The following PTPRT variants were observed in gnomAD, a reference collection of about 807,000 sequenced individuals.
PTPRT encodes receptor-type tyrosine-protein phosphatase T.
PTPRT carries 56 observed loss-of-function variants against 176.8 expected under a neutral mutation model. The observed-to-expected ratio is 0.32, with a 90% CI of 0.26 to 0.40. The LOEUF (loss-of-function observed/expected upper bound fraction) is 0.40. Ranked by LOEUF, PTPRT falls within the 10% of genes least tolerant of loss-of-function variation. The pLI is 1.00. For synonymous variants in PTPRT, 783 were observed against 739.0 expected (o/e 1.06, Z -0.96); for missense variants, 1,540 against 1,908.2 (o/e 0.81, Z 3.60).
Position 42,942,496 on chromosome 20 carries a change from T to C in PTPRT, c.89-56564A>G, listed in dbSNP as rs151161704. ...CTACACTTCACATTCATAGCCTTTA[T>C]TGTTTTTGTAATTGTCTAGATGTTT... On this transcript the variant is annotated intron_variant, in intron 1 of 30. Transcript: ENST00000373187. Among the ~76,000 whole-genome samples, 8 of 152,322 alleles carry C rather than the reference T, an allele frequency of 5.3e-5. No homozygotes were observed. In the East Asian group the frequency reaches 1.3e-3, roughly 26 times the overall value.
chr20:42,741,970 T>C (rs958717823), intron 6 of PTPRT, among the ~76,000 whole-genome samples: 1 of 152,176 alleles, frequency 6.6e-6, no homozygotes, highest in Non-Finnish European at 1.5e-5. Context: ...AAAAAGTTGG[T>C]TGGTCACTTA....
chr20:42,765,937 T>C (rs1360214208), intron 5 of PTPRT, among the ~76,000 whole-genome samples: 1 of 152,200 alleles, frequency 6.6e-6, no homozygotes, highest in Admixed American at 6.5e-5. Context: ...GATACATTTT[T>C]GTCCCCATCT....
At chr20:42,578,100 TTG>T (rs2073297142) in intron 7 of PTPRT, among the ~76,000 whole-genome samples, 1 of 152,200 alleles carries the variant, frequency 6.6e-6, no homozygotes, top group African/African-American at 2.4e-5. Flanking sequence ...GAATGGTTGA[TTG>T]TGTCAACTCT....
chr20:42,709,666 T>C (rs936112254), intron 6 of PTPRT, among the ~76,000 whole-genome samples: 1 of 152,180 alleles, frequency 6.6e-6, no homozygotes, highest in Admixed American at 6.5e-5. Context: ...GGAGTGTTGC[T>C]ATAAAAGTAC....
At chr20:43,077,810 T>G (rs1026523964) in intron 1 of PTPRT, among the ~76,000 whole-genome samples, 8 of 152,158 alleles carry the variant, frequency 5.3e-5, no homozygotes, top group Non-Finnish European at 1.2e-4. Flanking sequence ...TGTGGAACAA[T>G]CTATGAAAAT....
intron 7 of PTPRT, among the ~76,000 whole-genome samples, chr20:42,588,539 AC>A (rs1189124534): frequency 6.6e-6 from 1 of 152,198 alleles, no homozygotes; most frequent in Non-Finnish European, 1.5e-5. Context: ...TATTTCAAAG[AC>A]AAAAAAATTC....
intron 1 of PTPRT, among the ~76,000 whole-genome samples, chr20:43,094,345 C>T (rs1057400426): frequency 6.7e-6 from 1 of 150,216 alleles, no homozygotes; most frequent in Non-Finnish European, 1.5e-5. Flanking sequence ...CTCAGCCTCC[C>T]GAAGTGCTGG....
At chr20:43,163,198 T>C (rs1275005432) in intron 1 of PTPRT, among the ~76,000 whole-genome samples, 3 of 152,128 alleles carry the variant, frequency 2.0e-5, no homozygotes, top group African/African-American at 7.2e-5. Flanking sequence ...ACATCTGTGG[T>C]CAACAATGAA....
At chr20:42,283,087 G>A (rs1409539311) in intron 12 of PTPRT, among the ~76,000 whole-genome samples, 2 of 152,126 alleles carry the variant, frequency 1.3e-5, no homozygotes, top group Non-Finnish European at 1.5e-5. Context: ...CATAAATAAT[G>A]TGTGTGGCAA....
At chr20:43,109,749 A>G (rs576375744) in intron 1 of PTPRT, among the ~76,000 whole-genome samples, 37 of 152,304 alleles carry the variant, frequency 2.4e-4, no homozygotes, top group Middle Eastern at 3.4e-3. Context: ...GATCCTGCTG[A>G]AGGGGTAGCA....
At chr20:42,376,400 T>G (rs2145616791) in intron 9 of PTPRT, among the ~76,000 whole-genome samples, 1 of 152,324 alleles carries the variant, frequency 6.6e-6, no homozygotes, top group South Asian at 2.1e-4. Context: ...CCACAGCTGG[T>G]TGCACTCTAT....
At chr20:42,773,403 G>A (rs571778878) in intron 4 of PTPRT, among the ~76,000 whole-genome samples, 5 of 152,150 alleles carry the variant, frequency 3.3e-5, no homozygotes, top group Admixed American at 1.3e-4. Context: ...GACTTTACAC[G>A]TCATATCTCA....
At chr20:42,854,673 G>A (rs535149372) in intron 2 of PTPRT, among the ~76,000 whole-genome samples, 1 of 152,282 alleles carries the variant, frequency 6.6e-6, no homozygotes, top group East Asian at 1.9e-4. Context: ...ATCACTGGGG[G>A]AAAAAATTCT....
In PTPRT at chr20:42,301,712, T is replaced by C. The variant is rs28683571; in HGVS notation, c.2139+14011A>G. ...AGAAAATGGGATGGTAAATCTATTG[T>C]GGTAAACTGTTAGCAATTAGGGAAT... On this transcript the variant is annotated intron_variant, in intron 12 of 30. Coordinates refer to ENST00000373187, the MANE Select transcript of PTPRT (RefSeq NM_007050.6). 3.8e-3 allele frequency among the ~76,000 whole-genome samples: 583 copies of C among 152,252 alleles called. 4 individuals are homozygous for C. Among genetic ancestry groups the C allele is most frequent in the African/African-American group, 0.013 (533 of 41,548 alleles).
intron 13 of PTPRT, among the ~76,000 whole-genome samples, chr20:42,278,129 A>G (rs1386348544): frequency 1.2e-5 from 1 of 85,874 alleles, no homozygotes; most frequent in Admixed American, 1.3e-4. Context: ...ATATATATAT[A>G]TATATTTGCA....
chr20:42,841,610 T>C (rs1369730361), intron 2 of PTPRT, among the ~76,000 whole-genome samples: 7 of 141,022 alleles, frequency 5.0e-5, no homozygotes, highest in African/African-American at 1.3e-4. Flanking sequence ...TAGTGTTAAA[T>C]ACACACACAC....
chr20:42,870,420 G>C (rs919379537), intron 2 of PTPRT, among the ~76,000 whole-genome samples: 9 of 152,164 alleles, frequency 5.9e-5, no homozygotes. Flanking sequence ...ATGAACATTT[G>C]GGTTGCTTCC....
chr20:43,151,228 C>A (rs375416358), intron 1 of PTPRT, among the ~76,000 whole-genome samples: 1 of 150,916 alleles, frequency 6.6e-6, no homozygotes, highest in Non-Finnish European at 1.5e-5. Context: ...ATTGCTTGAA[C>A]CCGGGAGGCG....
At chr20:42,885,672 G>T in intron 2 of PTPRT, 135 bp downstream of exon 2, 1 of 1,128,304 alleles carries the variant, frequency 8.9e-7, no homozygotes, top group Non-Finnish European at 1.2e-6. Context: ...ACCTCTGAGT[G>T]TGGGGAACTC....
Sources: allele counts gnomAD v4.1 joint callset (sites outside exome capture counted in the v4.1 genomes callset), GRCh38; gene constraint gnomAD v4.1.1; transcripts MANE v1.5; gene names NCBI Gene and HGNC (gene_info 2026-07-23, HGNC 2026-07-21).